ZFHX3: variants seen among roughly 807,000 people sequenced by gnomAD.
ZFHX3 encodes zinc finger homeobox 3, also known as zinc finger homeobox protein 3.
Under a neutral mutation model 279.1 loss-of-function variants are expected in ZFHX3, and 42 were observed. That is an observed-to-expected ratio of 0.15 (90% confidence interval 0.12 to 0.19). The LOEUF (loss-of-function observed/expected upper bound fraction) is 0.19. Ranked by LOEUF, ZFHX3 falls within the 10% of genes least tolerant of loss-of-function variation. The pLI, the probability that ZFHX3 is intolerant of heterozygous loss-of-function variation, is 1.00. For missense variants in ZFHX3, 4,981 were observed against 4,754.0 expected (o/e 1.05, Z -1.40); for synonymous variants, 2,293 against 1,957.8 (o/e 1.17, Z -4.52).
chr16:72,816,443 A>G (rs1336307001), intron 5 of ZFHX3, among the ~76,000 whole-genome samples: 1 of 152,240 alleles, frequency 6.6e-6, no homozygotes, highest in African/African-American at 2.4e-5. Flanking sequence ...AGCTAGGTAA[A>G]TGGGATATTG....
chr16:73,160,941 G>C (rs35244760), intron 5 of ZFHX3, among the ~76,000 whole-genome samples: 20,849 of 151,700 alleles, frequency 0.14, 1,891 homozygotes, highest in Middle Eastern at 0.25. Context: ...CTCTGGTCTG[G>C]CTATAACTTT....
chr16:73,346,647 T>A (rs2016129680), intron 3 of ZFHX3, among the ~76,000 whole-genome samples: 1 of 152,148 alleles, frequency 6.6e-6, no homozygotes, highest in Non-Finnish European at 1.5e-5. Flanking sequence ...AATTTTTGTA[T>A]TTTTTGTAGA....
chr16:73,400,909 T>C (rs1360367854), intron 3 of ZFHX3: 1 of 152,248 alleles, frequency 6.6e-6, no homozygotes, highest in Non-Finnish European at 1.5e-5. Flanking sequence ...CCACCAGGCC[T>C]GCTGGTGTTT....
chr16:72,787,250 C>A lies in ZFHX3; in HGVS notation c.11026G>T (p.Ala3676Ser), dbSNP rs1404409071. 1 of 1,614,098 alleles carries A rather than the reference C, an allele frequency of 6.2e-7. No individual in the cohort carries two copies. Among genetic ancestry groups the A allele is most frequent in the Admixed American group, 1.7e-5 (1 of 60,016 alleles). ...TCTTTGGGACCCTCCACCGGGCTCG[C>A]CGGTCCGTCGGACTTTTGGCTGAGA... Reference protein sequence around the residue: ...TDLSQKSDGPASPVEGPKDPS... With the variant: ...TDLSQKSDGPSSPVEGPKDPS... Residue 3676 changes from alanine to serine, a missense_variant, in exon 10 of 10, where the codon GCG (alanine) becomes TCG (serine). Coordinates refer to ENST00000268489, the MANE Select transcript of ZFHX3 (RefSeq NM_006885.4).
At chr16:72,949,523 G>T (rs1960870238) in intron 3 of ZFHX3, among the ~76,000 whole-genome samples, 1 of 152,170 alleles carries the variant, frequency 6.6e-6, no homozygotes, top group Non-Finnish European at 1.5e-5. Context: ...CCGTGCAAGT[G>T]AAAGGACTAT....
chr16:73,562,329 C>T (rs1023009858), intron 2 of ZFHX3, among the ~76,000 whole-genome samples: 13 of 152,138 alleles, frequency 8.5e-5, no homozygotes, highest in African/African-American at 3.1e-4. Flanking sequence ...GGCGCGGTGG[C>T]TCACACCTGT....
intron 2 of ZFHX3, among the ~76,000 whole-genome samples, chr16:73,650,847 A>G (rs2052663538): frequency 6.6e-6 from 1 of 152,196 alleles, no homozygotes; most frequent in South Asian, 2.1e-4. Context: ...TTTCAAGGAC[A>G]TTAAATAGCT....
chr16:73,520,737 T>C (rs1463168884), intron 2 of ZFHX3, among the ~76,000 whole-genome samples: 1 of 152,198 alleles, frequency 6.6e-6, no homozygotes, highest in Non-Finnish European at 1.5e-5. Flanking sequence ...TTACACAAAA[T>C]CAATTTAATT....
At chr16:73,338,897 T>C (rs1187764905) in intron 3 of ZFHX3, among the ~76,000 whole-genome samples, 1 of 152,116 alleles carries the variant, frequency 6.6e-6, no homozygotes, top group Non-Finnish European at 1.5e-5. Flanking sequence ...TCTTGCAAGA[T>C]CTGATCGTTT....
At position 73,433,472 on chromosome 16, in the gene ZFHX3, G is replaced by A. The variant is rs182178943; in HGVS notation, c.-1291+22531C>T. ...GCAAGGCGCCCAATGAGGCAGACCA[G>A]ATGACATTTCCTGGGAACAAGGACT... On this transcript the variant is annotated intron_variant, in intron 3 of 17. Transcript: ENST00000641206. Among the ~76,000 whole-genome samples, 338 of 152,284 alleles carry A rather than the reference G, an allele frequency of 2.2e-3. 1 individual carries two copies. Among genetic ancestry groups the A allele is most frequent in the Non-Finnish European group, 3.1e-3 (214 of 68,018 alleles).
At chr16:73,731,317 G>C (rs1258473982) in intron 1 of ZFHX3, among the ~76,000 whole-genome samples, 1 of 152,114 alleles carries the variant, frequency 6.6e-6, no homozygotes, top group Non-Finnish European at 1.5e-5. Context: ...TAAAAGAAAA[G>C]TCAAAAGCAC....
At chr16:73,621,260 A>T (rs1346131307) in intron 2 of ZFHX3, among the ~76,000 whole-genome samples, 2 of 152,132 alleles carry the variant, frequency 1.3e-5, no homozygotes, top group Admixed American at 1.3e-4. Context: ...TCCCCCATTT[A>T]AAATTTGCCA....
intron 3 of ZFHX3, among the ~76,000 whole-genome samples, chr16:72,932,521 G>A (rs1410933455): frequency 6.6e-6 from 1 of 151,926 alleles, no homozygotes; most frequent in Non-Finnish European, 1.5e-5. Flanking sequence ...GACTTAGTGA[G>A]GAATCCAAGC....
chr16:73,503,682 A>T (rs2019276744), intron 2 of ZFHX3, among the ~76,000 whole-genome samples: 1 of 152,218 alleles, frequency 6.6e-6, no homozygotes, highest in Non-Finnish European at 1.5e-5. Flanking sequence ...AAGAGCAAAG[A>T]TATCAAATGC....
intron 3 of ZFHX3, among the ~76,000 whole-genome samples, chr16:73,433,865 CAG>C (rs746376159): frequency 6.1e-4 from 93 of 152,266 alleles, no homozygotes; most frequent in Admixed American, 8.5e-4. Context: ...GGGCAGTGGC[CAG>C]AGTAAAAGCC....
At chr16:73,205,067 A>G (rs1180694709) in intron 5 of ZFHX3, among the ~76,000 whole-genome samples, 1 of 152,184 alleles carries the variant, frequency 6.6e-6, no homozygotes, top group African/African-American at 2.4e-5. Flanking sequence ...CAAGTGGAAT[A>G]ACGAGTGTGG....
At chr16:72,821,657 G>A (rs1007025964) in intron 5 of ZFHX3, among the ~76,000 whole-genome samples, 4 of 152,208 alleles carry the variant, frequency 2.6e-5, no homozygotes, top group African/African-American at 9.6e-5. Context: ...GCTGGTCACA[G>A]TTGGTTCACA....
chr16:73,379,095 G>A (rs944227734), intron 3 of ZFHX3, among the ~76,000 whole-genome samples: 1 of 152,146 alleles, frequency 6.6e-6, no homozygotes, highest in Non-Finnish European at 1.5e-5. Context: ...TGTTGAGGAG[G>A]GGGAGATGAG....
At chr16:73,340,242 T>A (rs1227098692) in intron 3 of ZFHX3, among the ~76,000 whole-genome samples, 1 of 152,174 alleles carries the variant, frequency 6.6e-6, no homozygotes, top group East Asian at 1.9e-4. Context: ...TGTTGGTGCC[T>A]GAATAAACAG....
Sources: gnomAD v4.1 joint callset for allele counts (sites outside exome capture counted in the v4.1 genomes callset) on GRCh38, gnomAD v4.1.1 for gene constraint, MANE v1.5 for transcripts, NCBI Gene and HGNC (gene_info 2026-07-23, HGNC 2026-07-21) for gene names.